FGF12: variants seen among roughly 807,000 people sequenced by gnomAD.
FGF12 encodes fibroblast growth factor 12, also known as fibroblast growth factor 12B.
Under a neutral mutation model 23.6 loss-of-function variants are expected in FGF12, and 14 were observed. The ratio of observed to expected loss-of-function variants is 0.59; its 90% CI spans 0.39 to 0.93. The LOEUF (loss-of-function observed/expected upper bound fraction) is 0.93, where lower values mean the gene tolerates loss of function less well. Ranked by LOEUF, FGF12 falls within the 40% of genes least tolerant of loss-of-function variation. The probability of loss-of-function intolerance (pLI) is 0.00; values close to 1 mark genes in which losing one functional copy is unlikely to be tolerated. For missense variants in FGF12, 175 were observed against 217.8 expected (o/e 0.80, Z 1.24); for synonymous variants, 62 against 77.3 (o/e 0.80, Z 1.04).
intron 3 of FGF12, among the ~76,000 whole-genome samples, chr3:192,349,957 A>C (rs757225657): frequency 2.3e-4 from 35 of 152,256 alleles, no homozygotes; most frequent in Non-Finnish European, 3.8e-4. Context: ...TAGCAGTACA[A>C]AATGCAGATA....
intron 2 of FGF12, among the ~76,000 whole-genome samples, chr3:192,506,188 C>A (rs1724288156): frequency 6.6e-6 from 1 of 152,166 alleles, no homozygotes; most frequent in Non-Finnish European, 1.5e-5. Context: ...AATCTCTTGT[C>A]CAATCAAAGC....
intron 4 of FGF12, among the ~76,000 whole-genome samples, chr3:192,259,941 T>C (rs985547126): frequency 6.6e-6 from 1 of 152,152 alleles, no homozygotes; most frequent in African/African-American, 2.4e-5. Context: ...TTCTCATATA[T>C]GTCTCTAATG....
chr3:192,614,370 A>G (rs1456595212), intron 2 of FGF12, among the ~76,000 whole-genome samples: 1 of 151,952 alleles, frequency 6.6e-6, no homozygotes, highest in East Asian at 1.9e-4. Context: ...TTTAGTATTC[A>G]GAATGCTTTT....
intron 2 of FGF12, among the ~76,000 whole-genome samples, chr3:192,567,390 TA>T (rs1366646688): frequency 6.6e-6 from 1 of 152,146 alleles, no homozygotes; most frequent in Admixed American, 6.5e-5. Context: ...GAAAGGGCTT[TA>T]TTTTTTTAAG....
intron 4 of FGF12, among the ~76,000 whole-genome samples, chr3:192,311,158 T>C (rs947147324): frequency 1.3e-5 from 2 of 152,178 alleles, no homozygotes; most frequent in Non-Finnish European, 2.9e-5. Flanking sequence ...ATAATTCCCA[T>C]ACAATACAGT....
In FGF12 at chr3:192,251,259, T is replaced by C. The variant is rs189703867; in HGVS notation, c.229-80603A>G. Among the ~76,000 whole-genome samples the C allele has an allele frequency of 1.3e-3, 199 of 152,314 alleles. 1 individual carries two copies. The highest frequency in any genetic ancestry group is 3.1e-3 in the Admixed American group (48 of 15,286). On this transcript the variant is annotated intron_variant, in intron 4 of 5. Transcript: ENST00000445105. ...CTAACTAAGAGCAGGGAGTGCGCCA[T>C]GAAAATGTTGTCATTGATGAGAACC...
intron 2 of FGF12, among the ~76,000 whole-genome samples, chr3:192,642,215 A>G (rs1413236149): frequency 6.6e-6 from 1 of 152,204 alleles, no homozygotes; most frequent in Admixed American, 6.5e-5. Context: ...TTTCACATCC[A>G]TTATTCCATT....
chr3:192,677,005 A>G (rs1179909617), intron 2 of FGF12, among the ~76,000 whole-genome samples: 2 of 152,212 alleles, frequency 1.3e-5, no homozygotes, highest in Non-Finnish European at 2.9e-5. Flanking sequence ...TTTGAGATAG[A>G]GGCGCAGTGT....
intron 5 of FGF12, among the ~76,000 whole-genome samples, chr3:192,146,966 T>C (rs1713762116): frequency 6.6e-6 from 1 of 152,190 alleles, no homozygotes; most frequent in Admixed American, 6.5e-5. Context: ...GTAATAAAAT[T>C]AACGGTTTTG....
intron 2 of FGF12, among the ~76,000 whole-genome samples, chr3:192,679,078 T>C (rs781316908): frequency 1.3e-4 from 20 of 152,044 alleles, no homozygotes; most frequent in Admixed American, 2.6e-4. Context: ...CTTTGGAGAA[T>C]AGGAAGTATT....
intron 2 of FGF12, among the ~76,000 whole-genome samples, chr3:192,707,853 A>C (rs1376186375): frequency 6.6e-6 from 1 of 152,002 alleles, no homozygotes; most frequent in Non-Finnish European, 1.5e-5. Flanking sequence ...TGCAGGAGAA[A>C]GTTTTTATGC....
In FGF12 at chr3:192,378,054, C is replaced by CTT. The variant is rs796819642; in HGVS notation, c.14-17518_14-17517dup. Among the ~76,000 whole-genome samples the CTT allele has an allele frequency of 3.8e-4, 41 of 107,934 alleles. 3 individuals are homozygous for CTT. The highest frequency in any genetic ancestry group is 1.9e-3 in the African/African-American group (33 of 17,644). 70.8% of individuals were successfully genotyped at this position (107,934 alleles called of 152,430 possible). On this transcript the variant is annotated intron_variant, in intron 2 of 5. Transcript: ENST00000445105. ...TCTTTCTTTCTTTCTTTCTTTCTTT[C>CTT]TTTCTTTCTTTCTTTCTTTCTTTCT...
chr3:192,164,809 A>C (rs11916872), intron 5 of FGF12, among the ~76,000 whole-genome samples: 4,431 of 152,258 alleles, frequency 0.029, 241 homozygotes, highest in African/African-American at 0.1. Flanking sequence ...CAAAATAGTC[A>C]ATAATTTTTT....
At chr3:192,699,527 GT>G (rs1259826837) in intron 2 of FGF12, among the ~76,000 whole-genome samples, 1 of 152,064 alleles carries the variant, frequency 6.6e-6, no homozygotes, top group East Asian at 1.9e-4. Flanking sequence ...TCTAGGACAC[GT>G]TACAAATATT....
At position 192,727,186 on chromosome 3, in the gene FGF12, C is replaced by T. The variant is rs868170066; in HGVS notation, c.8G>A (p.Ser3Asn). The T allele has an allele frequency of 3.8e-6, 6 of 1,580,196 alleles. No individual in the cohort carries two copies. The highest frequency in any genetic ancestry group is 1.8e-5 in the Admixed American group (1 of 55,056). Residue 3 changes from serine (S) to asparagine (N), a missense_variant, in exon 2 of 6, where the codon AGC (serine) becomes AAC (asparagine). By Grantham distance (46) the Ser-to-Asn change is conservative. Transcript: ENST00000445105. ...CGATAGGGACAACCACATACCTTTGCTCTCCATTTCGGTCCCTTTCGAGTG... is the reference window on the plus strand; with the variant it reads ...CGATAGGGACAACCACATACCTTTGTTCTCCATTTCGGTCCCTTTCGAGTG... ME[S>N]KEPQLKGIVT...
Position 192,360,704 on chromosome 3 carries a change from T to C in FGF12, c.14-166A>G, listed in dbSNP as rs1390894883. Reference sequence around the variant, plus strand: ...CAGTAACATATCTATGCTTTTTTTTTTCCATTTAGAGGTAGAGCTTTAACA... The same window carrying C: ...CAGTAACATATCTATGCTTTTTTTTCTCCATTTAGAGGTAGAGCTTTAACA... On this transcript the variant is annotated intron_variant, in intron 2 of 5. Coordinates refer to ENST00000445105, the MANE Select transcript of FGF12 (RefSeq NM_004113.6). The surrounding 1 kb of genome is among the most constrained non-coding windows in gnomAD (Gnocchi z 4.3). 1.3e-5 allele frequency: 8 copies of C among 606,744 alleles called. No individual in the cohort carries two copies. The East Asian group carries it at 2.2e-4, about 17-fold the overall frequency. The allele number at this position is 606,744 out of a possible 1,614,324, so 37.6% of individuals were successfully genotyped here.
chr3:192,600,536 C>T (rs1714069814), intron 2 of FGF12, among the ~76,000 whole-genome samples: 1 of 151,928 alleles, frequency 6.6e-6, no homozygotes. Context: ...AAAATATTTG[C>T]AAACTATTCA....
intron 2 of FGF12, among the ~76,000 whole-genome samples, chr3:192,703,359 T>A (rs905228342): frequency 1.3e-5 from 2 of 152,214 alleles, no homozygotes; most frequent in African/African-American, 2.4e-5. Flanking sequence ...TGAAAACACA[T>A]CATTGCTAAA....
At chr3:192,721,772 A>G (rs1560205781) in intron 2 of FGF12, among the ~76,000 whole-genome samples, 1 of 152,158 alleles carries the variant, frequency 6.6e-6, no homozygotes, top group African/African-American at 2.4e-5. Context: ...TAGCTTTTAT[A>G]GTAGATACAT....
Sources: gnomAD v4.1 joint callset for allele counts (sites outside exome capture counted in the v4.1 genomes callset) on GRCh38, gnomAD v4.1.1 for gene constraint, Gnocchi (gnomAD v3.1) non-coding constraint, MANE v1.5 for transcripts, NCBI Gene and HGNC (gene_info 2026-07-23, HGNC 2026-07-21) for gene names.